The following MMS19 variants were observed in gnomAD, a reference collection of about 807,000 sequenced individuals.
MMS19 encodes MMS19 cytosolic iron-sulfur assembly component.
A neutral mutation model predicts 129.8 loss-of-function variants in MMS19; 77 were observed. That is an observed-to-expected ratio of 0.59 (90% CI 0.49 to 0.72). The LOEUF (loss-of-function observed/expected upper bound fraction) is 0.72. MMS19 is among the 30% of genes least tolerant of loss of function. The probability of loss-of-function intolerance (pLI) is 0.00; values close to 1 mark genes in which losing one functional copy is unlikely to be tolerated. For synonymous variants in MMS19, 491 were observed against 502.8 expected (o/e 0.98, Z 0.31); for missense variants, 1,168 against 1,266.3 (o/e 0.92, Z 1.18).
At chr10:97,468,166 C>A in intron 13 of MMS19, 86 bp downstream of exon 13, 1 of 1,372,608 alleles carries the variant, frequency 7.3e-7, no homozygotes, top group African/African-American at 1.5e-5. Flanking sequence ...ACTATGTTGG[C>A]CCAAGCTAAA....
chr10:97,494,357 C>G (rs142596722), intron 1 of MMS19, among the ~76,000 whole-genome samples: 5 of 152,254 alleles, frequency 3.3e-5, no homozygotes, highest in Non-Finnish European at 7.3e-5. Context: ...AGATCTCTGT[C>G]TGATGGAGTT....
At chr10:97,469,232 C>G in intron 11 of MMS19, 128 bp from the exon 12 acceptor site, 4 of 1,192,604 alleles carry the variant, frequency 3.4e-6, no homozygotes, top group Non-Finnish European at 4.6e-6. Context: ...GAAATTAACA[C>G]CCCAACTGAG....
chr10:97,460,370 C>G, intron 25 of MMS19, 138 bp from the exon 26 acceptor site: 1 of 764,062 alleles, frequency 1.3e-6, no homozygotes. Context: ...CTGCTTGAGT[C>G]TAGGAGTCTG....
intron 1 of MMS19, among the ~76,000 whole-genome samples, chr10:97,496,032 T>G (rs1308375493): frequency 2.0e-5 from 3 of 152,128 alleles, no homozygotes; most frequent in Admixed American, 2.0e-4. Context: ...CCGCCTACCT[T>G]GTTCTCTCAA....
At chr10:97,486,861 C>CTATATATATA (rs1564694696) in intron 1 of MMS19, among the ~76,000 whole-genome samples, 3 of 15,594 alleles carry the variant, frequency 1.9e-4, no homozygotes, top group African/African-American at 2.7e-4. Context: ...AATTAAAGTG[C>CTATATATATA]CATATATATA....
At chr10:97,495,682 T>G (rs557805793) in intron 1 of MMS19, among the ~76,000 whole-genome samples, 1 of 152,366 alleles carries the variant, frequency 6.6e-6, no homozygotes, top group South Asian at 2.1e-4. Flanking sequence ...AGATAACAGG[T>G]CATTCAAATT....
chr10:97,492,863 A>C (rs976008054), intron 1 of MMS19, among the ~76,000 whole-genome samples: 175 of 73,226 alleles, frequency 2.4e-3, no homozygotes, highest in Middle Eastern at 0.018. Flanking sequence ...CATCTCCCAA[A>C]AAAAAAAAAA....
intron 23 of MMS19, chr10:97,461,290 T>C: frequency 1.6e-6 from 1 of 637,618 alleles, no homozygotes; most frequent in Non-Finnish European, 2.7e-6. Flanking sequence ...CTCTTTGTGC[T>C]CCCTTCTCTT....
chr10:97,468,899 G>C, intron 12 of MMS19, 67 bp downstream of exon 12: 3 of 1,511,778 alleles, frequency 2.0e-6, no homozygotes, highest in Non-Finnish European at 2.7e-6. Flanking sequence ...GTGAGCCACC[G>C]CACCCAGGCA....
rs374241112 is a variant in MMS19 at position 97,498,370 on chromosome 10, C to A, written c.15G>T (p.Ala5=). ...CCATAGGCGCCGCCGCCTCCACAGC[C>A]GCGGCAGCGGCCATAACGCGAACTA... MAAA[A]AVEAAAPMGA... is the part of the protein sequence containing the mutation. The change falls in exon 1 of 31, where the codon GCG becomes GCT. Residue 5 remains alanine (A), a synonymous_variant. Coordinates refer to ENST00000438925, the MANE Select transcript of MMS19 (RefSeq NM_022362.5). The A allele has an allele frequency of 5.1e-6, 8 of 1,577,126 alleles. No homozygotes were observed. Among genetic ancestry groups the A allele is most frequent in the Non-Finnish European group, 6.8e-6 (8 of 1,169,406 alleles).
In MMS19 at chr10:97,462,037, T is replaced by G; in HGVS notation, c.2095A>C (p.Ser699Arg). The G allele has an allele frequency of 6.3e-7, 1 of 1,592,200 alleles. No homozygotes were observed. The highest frequency in any genetic ancestry group is 8.6e-7 in the Non-Finnish European group (1 of 1,169,310). ...GTTACCTGGAATGGCTGGAATCTGC[T>G]CGGGAAGCTGTTTTCAGGCAGAAAG... ...VSFLPENSFP[S>R]RFQPFQDGSS... The change falls in exon 21 of 31, where the codon AGC becomes CGC. Residue 699 changes from serine to arginine, a missense_variant. Around this residue, in one of 3 missense-constraint regions of MMS19, gnomAD observed 831 missense variants for 910.8 expected, o/e 0.91. Coordinates refer to ENST00000438925, the MANE Select transcript of MMS19 (RefSeq NM_022362.5).
At chr10:97,497,650 G>A (rs1297819938) in intron 1 of MMS19, among the ~76,000 whole-genome samples, 1 of 151,946 alleles carries the variant, frequency 6.6e-6, no homozygotes, top group Non-Finnish European at 1.5e-5. Context: ...GGAAAGTGGG[G>A]GTCTGGGAAG....
intron 2 of MMS19, among the ~76,000 whole-genome samples, 171 bp from the exon 3 acceptor site, chr10:97,481,213 C>T (rs1172934274): frequency 6.6e-6 from 1 of 152,118 alleles, no homozygotes; most frequent in Admixed American, 6.5e-5. Context: ...ATTACAGATA[C>T]CAGTAAGGAC....
chr10:97,481,381 C>T (rs3381), intron 2 of MMS19, among the ~76,000 whole-genome samples: 4,310 of 152,228 alleles, frequency 0.028, 85 homozygotes, highest in Non-Finnish European at 0.046. Context: ...TGTGACATTC[C>T]TCTGAAATAC....
intron 8 of MMS19, among the ~76,000 whole-genome samples, chr10:97,475,929 T>A (rs1331184257): frequency 6.6e-6 from 1 of 152,200 alleles, no homozygotes; most frequent in Non-Finnish European, 1.5e-5. Context: ...CCCAGTAACA[T>A]AATGTCAACT....
At chr10:97,462,544 T>C (rs748065110) in intron 20 of MMS19, 39 bp downstream of exon 20, 1 of 1,480,072 alleles carries the variant, frequency 6.8e-7, no homozygotes, top group South Asian at 1.1e-5. Flanking sequence ...AATGCTATCC[T>C]TCTCCCTGGG....
chr10:97,466,621 T>TC, intron 15 of MMS19, 36 bp from the exon 16 acceptor site: 1 of 1,587,730 alleles, frequency 6.3e-7, no homozygotes, highest in Non-Finnish European at 8.7e-7. Context: ...TCATCTTTCT[T>TC]CCCCTGCAGC....
At chr10:97,486,693 G>A (rs1384532525) in intron 1 of MMS19, among the ~76,000 whole-genome samples, 1 of 151,692 alleles carries the variant, frequency 6.6e-6, no homozygotes. Context: ...TTTAAAACAA[G>A]CACTAATGAA....
intron 8 of MMS19, among the ~76,000 whole-genome samples, chr10:97,472,904 G>A (rs1361917646): frequency 1.3e-5 from 2 of 152,090 alleles, no homozygotes; most frequent in African/African-American, 2.4e-5. Flanking sequence ...ACTGCACCTG[G>A]CCTCTTTCTC....
Sources: allele counts gnomAD v4.1 joint callset (sites outside exome capture counted in the v4.1 genomes callset), GRCh38; gene constraint gnomAD v4.1.1; regional missense constraint gnomAD v4.1.1; transcripts MANE v1.5; gene names NCBI Gene and HGNC (gene_info 2026-07-23, HGNC 2026-07-21).